The following SSH3 variants were observed in gnomAD, a reference collection of about 807,000 sequenced individuals.
SSH3 encodes protein phosphatase Slingshot homolog 3.
In SSH3, 67 loss-of-function variants were observed where a neutral mutation model predicts 75.0. The observed-to-expected ratio is 0.89, with a 90% CI of 0.73 to 1.10. The LOEUF (loss-of-function observed/expected upper bound fraction) is 1.10. Ranked by LOEUF, SSH3 falls within the 50% of genes least tolerant of loss-of-function variation. The pLI is 0.00. For missense variants in SSH3, 824 were observed against 872.7 expected (o/e 0.94, Z 0.70); for synonymous variants, 318 against 349.2 (o/e 0.91, Z 1.00).
chr11:67,309,663 C>T (rs1861355030), intron 11 of SSH3, 105 bp from the exon 12 acceptor site: 1 of 1,577,724 alleles, frequency 6.3e-7, no homozygotes, highest in African/African-American at 1.3e-5. Context: ...TCCTTCCCTC[C>T]TTCTCTACTC....
intron 2 of SSH3, 49 bp downstream of exon 2, chr11:67,304,204 G>A: frequency 6.9e-7 from 1 of 1,442,246 alleles, no homozygotes; most frequent in Non-Finnish European, 9.6e-7. Flanking sequence ...CCCGGGCCTG[G>A]CCACGGCCGT....
intron 13 of SSH3, among the ~76,000 whole-genome samples, chr11:67,311,013 C>T (rs1861395238): frequency 6.6e-6 from 1 of 152,192 alleles, no homozygotes; most frequent in Admixed American, 6.5e-5. Flanking sequence ...AGCCTGGGAG[C>T]CAGGCCCTGT....
Position 67,307,442 on chromosome 11 carries a change from G to T in SSH3, c.602+6G>T. 6.2e-7 allele frequency: 1 copy of T among 1,613,994 alleles called. No homozygotes were observed. Among genetic ancestry groups the T allele is most frequent in the Non-Finnish European group, 8.5e-7 (1 of 1,180,028 alleles). ...ATCTCCATCCAGACCATGTGGTAAG[G>T]ACAGAGACTGCCTGGACTCAGGCCA... is the stretch of plus-strand genomic sequence containing the variant. On this transcript the variant is annotated splice_donor_region_variant and intron_variant, in intron 6 of 13. Transcript: ENST00000308127. The surrounding 1 kb of genome is among the most constrained non-coding windows in gnomAD (Gnocchi z 4.2).
In SSH3 at chr11:67,310,330, C is replaced by CA; in HGVS notation, c.1675dup (p.Met559AsnfsTer13). The stretch of plus-strand genomic sequence containing the variant: ...TGGAGAGCACCTCAGAGACCAGTGA[C>CA]ATGCCAGAGGTGAGGCTGGGGCTGG... On this transcript the variant is annotated frameshift_variant, in exon 13 of 14. Coordinates refer to ENST00000308127, the MANE Select transcript of SSH3 (RefSeq NM_017857.4). 1 of 1,608,278 alleles carries CA rather than the reference C, an allele frequency of 6.2e-7. No homozygotes were observed. The highest frequency in any genetic ancestry group is 1.1e-5 in the South Asian group (1 of 90,568).
At chr11:67,303,959 C>G in intron 1 of SSH3, 159 bp from the exon 2 acceptor site, 1 of 1,020,776 alleles carries the variant, frequency 9.8e-7, no homozygotes, top group Non-Finnish European at 1.4e-6. Flanking sequence ...GGCCTTGGGC[C>G]GGGGCTCCAC....
rs762308694 is a variant in SSH3 at position 67,309,488 on chromosome 11, T to C, written c.1153T>C (p.Ser385Pro). The stretch of plus-strand genomic sequence containing the variant: ...CAATGTGCGCCTCTGGGATGAGGAG[T>C]CGGCCCAGCTGCTGCCGCACTGGAA... ...YHNVRLWDEE[S>P]AQLLPHWKET... Residue 385 changes from serine to proline, a missense_variant, in exon 11 of 14, where the codon TCG becomes CCG. Physicochemically the swap from Ser to Pro is moderately conservative, Grantham distance 74. Transcript: ENST00000308127. The C allele has an allele frequency of 2.5e-6, 4 of 1,613,718 alleles. No individual in the cohort carries two copies. The highest frequency in any genetic ancestry group is 1.6e-4 in the Middle Eastern group (1 of 6,062).
intron 1 of SSH3, 122 bp downstream of exon 1, chr11:67,303,813 T>C: frequency 9.5e-7 from 1 of 1,053,424 alleles, no homozygotes; most frequent in South Asian, 1.8e-5. Flanking sequence ...GGGCTCGGGC[T>C]GGAGGGCGCT....
chr11:67,309,429 T>C lies in SSH3; in HGVS notation c.1094T>C (p.Ile365Thr), dbSNP rs756194421. 1.2e-6 allele frequency: 2 copies of C among 1,614,122 alleles called. No individual in the cohort carries two copies. Among genetic ancestry groups the C allele is most frequent in the Non-Finnish European group, 1.7e-6 (2 of 1,180,010 alleles). ...CACATCTTGAACATGGCCCGGGAGA[T>C]TGACAACTTCTACCCTGAGCGCTTC... ...VTHILNMAREIDNFYPERFTY... is the reference protein window; with the variant it reads ...VTHILNMARETDNFYPERFTY... Residue 365 changes from isoleucine to threonine, a missense_variant, in exon 11 of 14, where the codon ATT becomes ACT. Coordinates refer to ENST00000308127, the MANE Select transcript of SSH3 (RefSeq NM_017857.4).
At chr11:67,305,778 G>A (rs756654064) in intron 3 of SSH3, among the ~76,000 whole-genome samples, 9 of 152,162 alleles carry the variant, frequency 5.9e-5, no homozygotes, top group Non-Finnish European at 1.5e-5. Flanking sequence ...AGGGAGTCCA[G>A]GTGGAGCTGG....
Position 67,309,412 on chromosome 11 carries a change from G to A in SSH3, c.1077G>A (p.Leu359=). 1 of 1,614,186 alleles carries A rather than the reference G, an allele frequency of 6.2e-7. No homozygotes were observed. The highest frequency in any genetic ancestry group is 8.5e-7 in the Non-Finnish European group (1 of 1,180,042). The change falls in exon 11 of 14, where the codon TTG becomes TTA. Residue 359 remains leucine (L), a synonymous_variant. Coordinates refer to ENST00000308127, the MANE Select transcript of SSH3 (RefSeq NM_017857.4). The stretch of plus-strand genomic sequence containing the variant: ...TCTGGGACAGGGTCACCCACATCTT[G>A]AACATGGCCCGGGAGATTGACAACT... The part of the protein sequence containing the change: ...ELQRNRVTHI[L]NMAREIDNFY...
intron 1 of SSH3, 31 bp downstream of exon 1, chr11:67,303,722 C>T: frequency 6.9e-7 from 1 of 1,453,928 alleles, no homozygotes; most frequent in Non-Finnish European, 9.0e-7. Flanking sequence ...GTGCCGCCCA[C>T]GCAGTTGCTG....
At position 67,308,210 on chromosome 11, in the gene SSH3, C is replaced by G; in HGVS notation, c.922C>G (p.Leu308Val). The change falls in exon 9 of 14, where the codon CTC becomes GTC. Residue 308 changes from leucine (L) to valine (V), a missense_variant. Physicochemically the swap from Leu to Val is conservative, Grantham distance 32. Coordinates refer to ENST00000308127, the MANE Select transcript of SSH3 (RefSeq NM_017857.4). This position sits in a 1 kb window ranked among gnomAD's most constrained non-coding sequence, Gnocchi z 4.9. ...QALELRLGLP[L>V]QQYRDFIDNQ... Reference sequence around the variant, plus strand: ...TCTGGAGCTGCGCCTGGGGCTCCCCCTCCAGCAGTACCGTGACTTCATCGA... The same window carrying G: ...TCTGGAGCTGCGCCTGGGGCTCCCCGTCCAGCAGTACCGTGACTTCATCGA... 12 of 1,614,052 alleles carry G rather than the reference C, an allele frequency of 7.4e-6. No individual in the cohort carries two copies. The highest frequency in any genetic ancestry group is 1.0e-5 in the Non-Finnish European group (12 of 1,180,028).
chr11:67,310,991 G>C (rs1297081886), intron 13 of SSH3, among the ~76,000 whole-genome samples: 1 of 152,212 alleles, frequency 6.6e-6, no homozygotes, highest in Non-Finnish European at 1.5e-5. Flanking sequence ...CAGTGCTGCG[G>C]GCACAAGCCT....
rs57238619 is a variant in SSH3, at chr11:67,307,660, C to T, written c.714C>T (p.Ser238=). The change falls in exon 7 of 14, where the codon TCC becomes TCT. Residue 238 remains serine, a synonymous_variant. Coordinates refer to ENST00000308127, the MANE Select transcript of SSH3 (RefSeq NM_017857.4). The surrounding 1 kb of genome is among the most constrained non-coding windows in gnomAD (Gnocchi z 4.2). The part of the protein sequence containing the change: ...WASHYQERLN[S]EQSCLNEWTA... ...GCCACTACCAGGAGAGACTGAACTC[C>T]GAACAGAGCTGCCTCAATGAGTGGA... is the stretch of plus-strand genomic sequence containing the variant. 59,964 of 1,613,974 alleles carry T rather than the reference C, an allele frequency of 0.037. 2,318 individuals carry two copies. Among genetic ancestry groups the T allele is most frequent in the African/African-American group, 0.19 (14,314 of 75,010 alleles).
intron 3 of SSH3, among the ~76,000 whole-genome samples, chr11:67,305,389 C>T (rs766762900): frequency 6.6e-6 from 1 of 152,088 alleles, no homozygotes; most frequent in East Asian, 1.9e-4. Flanking sequence ...GCGGTTTCAC[C>T]GTGTTAGCCA....
intron 10 of SSH3, 92 bp from the exon 11 acceptor site, chr11:67,309,305 G>A: frequency 6.5e-7 from 1 of 1,531,322 alleles, no homozygotes; most frequent in African/African-American, 1.4e-5. Context: ...GAAACTCAGA[G>A]CTAAAGCGAG....
chr11:67,307,900 GT>G lies in SSH3; in HGVS notation c.848del (p.Leu283TrpfsTer77), dbSNP rs1241555495. On this transcript the variant is annotated frameshift_variant, in exon 8 of 14. Coordinates refer to ENST00000308127, the MANE Select transcript of SSH3 (RefSeq NM_017857.4). This position sits in a 1 kb window ranked among gnomAD's most constrained non-coding sequence, Gnocchi z 4.2. ...CGATCCGTGCTGAGCTGTGGAAAGT[GT>G]TGGATGTCAGTGACCTGGAGAGTGT... ...QAIRAELWKV[L>X]DVSDLESVTS... The G allele has an allele frequency of 1.1e-5, 17 of 1,614,262 alleles. No homozygotes were observed. Among genetic ancestry groups the G allele is most frequent in the Non-Finnish European group, 1.4e-5 (17 of 1,180,044 alleles).
In SSH3 at chr11:67,312,568, C is replaced by T. The variant is rs535236620; in HGVS notation, c.*681C>T. 10 of 152,402 alleles carry T rather than the reference C, an allele frequency of 6.6e-5. No homozygotes were observed. Among genetic ancestry groups the T allele is most frequent in the African/African-American group, 2.4e-4 (10 of 41,566 alleles). The allele number at this position is 152,402 out of a possible 1,614,324, so 9.4% of individuals were successfully genotyped here. On this transcript the variant is annotated 3_prime_UTR_variant, in exon 14 of 14. Transcript: ENST00000308127. ...TAGCCTTACAGTATCTGGCTTTGTA[C>T]TGAGAAATAAAACACATTTTCATAT...
chr11:67,307,888 G>C lies in SSH3; in HGVS notation c.834G>C (p.Glu278Asp), dbSNP rs1861293866. The change falls in exon 8 of 14, where the codon GAG becomes GAC. Residue 278 changes from glutamate to aspartate, a missense_variant. Coordinates refer to ENST00000308127, the MANE Select transcript of SSH3 (RefSeq NM_017857.4). This position sits in a 1 kb window ranked among gnomAD's most constrained non-coding sequence, Gnocchi z 4.2. ...AGATGGAGCAGGCGATCCGTGCTGAGCTGTGGAAAGTGTTGGATGTCAGTG... is the reference window on the plus strand; with the variant it reads ...AGATGGAGCAGGCGATCCGTGCTGACCTGTGGAAAGTGTTGGATGTCAGTG... ...QEQMEQAIRA[E>D]LWKVLDVSDL... 1 of 1,614,118 alleles carries C rather than the reference G, an allele frequency of 6.2e-7. No homozygotes were observed. Among genetic ancestry groups the C allele is most frequent in the Admixed American group, 1.7e-5 (1 of 60,010 alleles).
Sources: allele counts gnomAD v4.1 joint callset (sites outside exome capture counted in the v4.1 genomes callset), GRCh38; gene constraint gnomAD v4.1.1; non-coding constraint Gnocchi (gnomAD v3.1); transcripts MANE v1.5; gene names NCBI Gene and HGNC (gene_info 2026-07-23, HGNC 2026-07-21).